The following CPA6 variants were observed in gnomAD, a reference collection of about 807,000 sequenced individuals.
The protein encoded by CPA6 is carboxypeptidase B.
Under a neutral mutation model 63.3 loss-of-function variants are expected in CPA6, and 58 were observed. The ratio of observed to expected loss-of-function variants is 0.92; its 90% CI spans 0.74 to 1.14. The LOEUF is 1.14. CPA6 is among the 50% of genes most tolerant of loss of function. The probability of loss-of-function intolerance (pLI) is 0.00; values close to 1 mark genes in which losing one functional copy is unlikely to be tolerated. For synonymous variants in CPA6, 185 were observed against 179.0 expected (o/e 1.03, Z -0.27); for missense variants, 565 against 526.6 (o/e 1.07, Z -0.71).
intron 1 of CPA6, among the ~76,000 whole-genome samples, chr8:67,720,194 T>C (rs983133557): frequency 3.5e-5 from 5 of 143,088 alleles, no homozygotes; most frequent in African/African-American, 1.4e-4. Flanking sequence ...GGGGTGCTTT[T>C]TGAGCCAGGA....
At chr8:67,531,314 T>A (rs931490566) in intron 2 of CPA6, among the ~76,000 whole-genome samples, 5 of 152,148 alleles carry the variant, frequency 3.3e-5, no homozygotes, top group Admixed American at 3.3e-4. Flanking sequence ...GATTACATTA[T>A]CTAGGTAAAA....
intron 2 of CPA6, among the ~76,000 whole-genome samples, chr8:67,589,073 G>C (rs1814029702): frequency 1.3e-5 from 2 of 151,420 alleles, no homozygotes; most frequent in African/African-American, 4.9e-5. Flanking sequence ...AGCCAAGATT[G>C]CACCACTGCA....
chr8:67,657,318 T>C lies in CPA6; in HGVS notation c.117-33067A>G, dbSNP rs191997593. Among the ~76,000 whole-genome samples, 26 of 139,494 alleles carry C rather than the reference T, an allele frequency of 1.9e-4. No homozygotes were observed. In the East Asian group the frequency reaches 5.9e-3, roughly 31 times the overall value. The allele number at this position is 139,494 out of a possible 152,430, so 91.5% of individuals were successfully genotyped here. ...GTGAATAGGAATAAACTATTGCATA[T>C]CTCTGAAAAATAATCTGATGTTGCT... is the stretch of plus-strand genomic sequence containing the variant. On this transcript the variant is annotated intron_variant, in intron 1 of 10. Transcript: ENST00000297770.
At chr8:67,610,689 A>G (rs916878744) in intron 2 of CPA6, among the ~76,000 whole-genome samples, 1 of 152,172 alleles carries the variant, frequency 6.6e-6, no homozygotes, top group Non-Finnish European at 1.5e-5. Flanking sequence ...TTCCCCATCC[A>G]GGCTCCCTTC....
chr8:67,494,248 C>T (rs547341893), intron 6 of CPA6, among the ~76,000 whole-genome samples: 109 of 151,910 alleles, frequency 7.2e-4, no homozygotes, highest in South Asian at 1.3e-3. Flanking sequence ...GGGTTTTCTT[C>T]ATCATTAAAT....
At chr8:67,530,462 T>C (rs1295993937) in intron 2 of CPA6, among the ~76,000 whole-genome samples, 8 of 152,320 alleles carry the variant, frequency 5.3e-5, no homozygotes, top group Non-Finnish European at 4.4e-5. Context: ...GTCCTGGGAC[T>C]TACGTTTCTA....
At chr8:67,725,273 T>A (rs1817576034) in intron 1 of CPA6, among the ~76,000 whole-genome samples, 1 of 152,340 alleles carries the variant, frequency 6.6e-6, no homozygotes, top group African/African-American at 2.4e-5. Context: ...CAGGTGCTTT[T>A]TTTCTGCCTT....
rs546136191 is a variant in CPA6 at position 67,476,083 on chromosome 8, T to C, written c.838+7685A>G. ...AGGTTGGAGTGCAGTGGTGCGATCT[T>C]GGCTCACGGCAACCGTTCAAGCCAT... is the stretch of plus-strand genomic sequence containing the variant. On this transcript the variant is annotated intron_variant, in intron 8 of 10. Coordinates refer to ENST00000297770, the MANE Select transcript of CPA6 (RefSeq NM_020361.5). Among the ~76,000 whole-genome samples, 50 of 151,206 alleles carry C rather than the reference T, an allele frequency of 3.3e-4. 1 individual carries two copies. The South Asian group carries it at 0.011, about 32-fold the overall frequency.
At chr8:67,706,446 C>T (rs371120724) in intron 1 of CPA6, among the ~76,000 whole-genome samples, 11 of 151,840 alleles carry the variant, frequency 7.2e-5, no homozygotes, top group South Asian at 4.2e-4. Flanking sequence ...ACATGAAAGG[C>T]ATGTGAAGAA....
intron 5 of CPA6, among the ~76,000 whole-genome samples, chr8:67,508,939 G>A (rs1206293738): frequency 6.6e-6 from 1 of 152,102 alleles, no homozygotes; most frequent in African/African-American, 2.4e-5. Flanking sequence ...AGTTCCGTAG[G>A]CTGTACAGGA....
At chr8:67,682,776 C>G (rs1816623767) in intron 1 of CPA6, among the ~76,000 whole-genome samples, 1 of 152,180 alleles carries the variant, frequency 6.6e-6, no homozygotes, top group Non-Finnish European at 1.5e-5. Flanking sequence ...TCTGAGTGCT[C>G]TCCCTGAGAA....
intron 1 of CPA6, among the ~76,000 whole-genome samples, chr8:67,714,202 C>T (rs905549927): frequency 1.3e-5 from 2 of 152,110 alleles, no homozygotes; most frequent in Admixed American, 6.5e-5. Context: ...TTCTTCACCG[C>T]GTCTCCACTC....
chr8:67,733,773 G>A (rs1334893614), intron 1 of CPA6, among the ~76,000 whole-genome samples: 2 of 151,592 alleles, frequency 1.3e-5, no homozygotes, highest in African/African-American at 2.4e-5. Flanking sequence ...CGGTGGGGGC[G>A]GGATCAGGAA....
At chr8:67,489,347 T>C (rs1811555877) in intron 6 of CPA6, among the ~76,000 whole-genome samples, 1 of 152,196 alleles carries the variant, frequency 6.6e-6, no homozygotes, top group Admixed American at 6.5e-5. Flanking sequence ...TTTAAAATTA[T>C]AAATTTCCCT....
At chr8:67,668,025 C>T (rs1287171171) in intron 1 of CPA6, among the ~76,000 whole-genome samples, 1 of 152,206 alleles carries the variant, frequency 6.6e-6, no homozygotes, top group Non-Finnish European at 1.5e-5. Flanking sequence ...GTGCTGGTCA[C>T]ACACATGGGT....
At chr8:67,593,313 T>C (rs1814189996) in intron 2 of CPA6, among the ~76,000 whole-genome samples, 1 of 151,472 alleles carries the variant, frequency 6.6e-6, no homozygotes, top group South Asian at 2.1e-4. Context: ...AACTATGTGG[T>C]CAATTTTGGA....
chr8:67,720,382 T>C (rs1027791899), intron 1 of CPA6, among the ~76,000 whole-genome samples: 6 of 152,324 alleles, frequency 3.9e-5, no homozygotes, highest in Non-Finnish European at 7.4e-5. Flanking sequence ...TCACAGGGGA[T>C]GCGATGGCTT....
intron 2 of CPA6, among the ~76,000 whole-genome samples, chr8:67,588,372 G>A (rs983729916): frequency 2.6e-5 from 4 of 152,118 alleles, no homozygotes; most frequent in African/African-American, 9.7e-5. Context: ...AGAATTATTG[G>A]GGTAATAAAA....
intron 10 of CPA6, among the ~76,000 whole-genome samples, chr8:67,425,329 T>C (rs911339085): frequency 6.6e-6 from 1 of 152,134 alleles, no homozygotes; most frequent in Non-Finnish European, 1.5e-5. Context: ...AAAATAACGC[T>C]TTTATGCTAT....
Sources: gnomAD v4.1 joint callset for allele counts (sites outside exome capture counted in the v4.1 genomes callset) on GRCh38, gnomAD v4.1.1 for gene constraint, MANE v1.5 for transcripts, NCBI Gene and HGNC (gene_info 2026-07-23, HGNC 2026-07-21) for gene names.